OR51B5: variants seen among roughly 807,000 people sequenced by gnomAD.
OR51B5 encodes the protein olfactory receptor 51B5.
For missense variants in OR51B5, 456 were observed against 374.6 expected (o/e 1.22, Z -1.79); for synonymous variants, 186 against 144.8 (o/e 1.28, Z -2.04).
rs185751635 is a variant in OR51B5, at chr11:5,354,405, A to T, written n.85-7495T>A. On this transcript the variant is annotated intron_variant and non_coding_transcript_variant, in intron 1 of 4. Coordinates refer to the OR51B5 transcript ENST00000415970. Reference sequence around the variant, plus strand: ...TGTAAATGGACACATTTGACTGACAACCCTGAGTTTCTCTCCTCCCTTTCT... The same window carrying T: ...TGTAAATGGACACATTTGACTGACATCCCTGAGTTTCTCTCCTCCCTTTCT... 2.0e-5 allele frequency among the ~76,000 whole-genome samples: 3 copies of T among 152,320 alleles called. No individual in the cohort carries two copies. The East Asian group carries it at 5.8e-4, about 29-fold the overall frequency.
chr11:5,444,664 G>T (rs919936865), intron 1 of OR51B5, among the ~76,000 whole-genome samples: 8 of 152,142 alleles, frequency 5.3e-5, no homozygotes, highest in African/African-American at 1.9e-4. Flanking sequence ...GGTACAGCTG[G>T]CAGTGGCATC....
intron 1 of OR51B5, among the ~76,000 whole-genome samples, chr11:5,451,395 G>T (rs1238620039): frequency 6.6e-6 from 1 of 152,150 alleles, no homozygotes; most frequent in African/African-American, 2.4e-5. Flanking sequence ...CTTTCTACAA[G>T]ACTTTATATG....
intron 1 of OR51B5, among the ~76,000 whole-genome samples, chr11:5,435,217 G>A (rs955878536): frequency 2.6e-5 from 4 of 152,170 alleles, no homozygotes; most frequent in Admixed American, 1.3e-4. Context: ...CAGTGATGGG[G>A]AGTTTATCGC....
At chr11:5,483,872 A>G (rs1247513509) in intron 1 of OR51B5, among the ~76,000 whole-genome samples, 1 of 152,148 alleles carries the variant, frequency 6.6e-6, no homozygotes, top group African/African-American at 2.4e-5. Context: ...TTAGCCCAGA[A>G]AACTGAGAAA....
chr11:5,347,985 A>G (rs1209648901), upstream of OR51B5, among the ~76,000 whole-genome samples: 1 of 152,148 alleles, frequency 6.6e-6, no homozygotes, highest in Non-Finnish European at 1.5e-5. Flanking sequence ...AAGGGAACAA[A>G]GTTTCAGGTC....
intron 1 of OR51B5, chr11:5,469,554 A>G (rs1851194184): frequency 7.9e-6 from 1 of 127,188 alleles, no homozygotes; most frequent in African/African-American, 2.7e-5. Flanking sequence ...CCAGTGCCAA[A>G]GATTTGGAAA....
At chr11:5,503,808 C>G (rs1590033897) in intron 1 of OR51B5, among the ~76,000 whole-genome samples, 1 of 152,044 alleles carries the variant, frequency 6.6e-6, no homozygotes, top group Non-Finnish European at 1.5e-5. Flanking sequence ...ACAAATTCTG[C>G]CCTGCTCTAC....
rs577356015 is a variant in OR51B5, at chr11:5,418,445, A to AAAAC, written n.85-71539_85-71536dup. On this transcript the variant is annotated intron_variant and non_coding_transcript_variant, in intron 1 of 4. Coordinates refer to the OR51B5 transcript ENST00000415970. ...AACAAAACAAAACAAAAAGAAAAAC[A>AAAAC]AAACAAACAAACAAAAAAAGCACCG... Among the ~76,000 whole-genome samples, 7 of 152,156 alleles carry AAAAC rather than the reference A, an allele frequency of 4.6e-5. No homozygotes were observed. The South Asian group carries it at 1.2e-3, about 27-fold the overall frequency.
At chr11:5,459,435 T>C (rs1851013579) in intron 1 of OR51B5, among the ~76,000 whole-genome samples, 1 of 152,202 alleles carries the variant, frequency 6.6e-6, no homozygotes, top group Admixed American at 6.5e-5. Context: ...ATATATTGTA[T>C]CTCTGCCAGG....
intron 1 of OR51B5, among the ~76,000 whole-genome samples, chr11:5,414,992 A>G (rs1850216726): frequency 1.3e-5 from 2 of 152,100 alleles, no homozygotes; most frequent in South Asian, 2.1e-4. Context: ...GCACCACACC[A>G]CACCTATTCC....
intron 1 of OR51B5, among the ~76,000 whole-genome samples, chr11:5,394,956 A>G (rs1011864851): frequency 6.6e-6 from 1 of 152,190 alleles, no homozygotes; most frequent in Non-Finnish European, 1.5e-5. Flanking sequence ...TTTGTCTGGG[A>G]AAAGAAAAGA....
At chr11:5,446,807 T>C (rs150615271) in intron 1 of OR51B5, among the ~76,000 whole-genome samples, 39 of 152,260 alleles carry the variant, frequency 2.6e-4, no homozygotes, top group African/African-American at 8.4e-4. Context: ...TATAATAGAG[T>C]GTGATCACTG....
intron 1 of OR51B5, among the ~76,000 whole-genome samples, chr11:5,407,488 G>C (rs892923437): frequency 1.3e-5 from 2 of 152,078 alleles, no homozygotes; most frequent in Admixed American, 6.5e-5. Flanking sequence ...AAAATCAGTT[G>C]TCACACACAT....
chr11:5,380,175 G>T (rs950337543), intron 1 of OR51B5, among the ~76,000 whole-genome samples: 1 of 152,188 alleles, frequency 6.6e-6, no homozygotes, highest in East Asian at 1.9e-4. Flanking sequence ...CTGAAGAGAG[G>T]TAGGATGTTA....
chr11:5,395,350 G>GC (rs1310917437), intron 1 of OR51B5, among the ~76,000 whole-genome samples: 1 of 152,204 alleles, frequency 6.6e-6, no homozygotes, highest in Non-Finnish European at 1.5e-5. Context: ...GTAAGTTGCT[G>GC]AAGGTCCTTT....
intron 1 of OR51B5, among the ~76,000 whole-genome samples, chr11:5,404,344 A>G (rs941289621): frequency 6.6e-6 from 1 of 152,126 alleles, no homozygotes; most frequent in Non-Finnish European, 1.5e-5. Flanking sequence ...AGGGTTGTAA[A>G]TGCACCAATC....
intron 1 of OR51B5, among the ~76,000 whole-genome samples, chr11:5,424,335 G>A (rs1850408096): frequency 6.6e-6 from 1 of 151,806 alleles, no homozygotes; most frequent in African/African-American, 2.4e-5. Context: ...AGAGAAAAGG[G>A]AAAACAAAAC....
rs1850832250 is a variant in OR51B5, at chr11:5,450,729, C to T, written n.84+54840G>A. On this transcript the variant is annotated intron_variant and non_coding_transcript_variant, in intron 1 of 4. Coordinates refer to the OR51B5 transcript ENST00000415970. ...TTCCTCTATTTTCCTTTTAAACTTACTCTCCAATGCCTTAATGATACTTCG... is the reference window on the plus strand; with the variant it reads ...TTCCTCTATTTTCCTTTTAAACTTATTCTCCAATGCCTTAATGATACTTCG... Among the ~76,000 whole-genome samples the T allele has an allele frequency of 2.0e-5, 3 of 152,314 alleles. No homozygotes were observed. The South Asian group carries it at 6.2e-4, about 32-fold the overall frequency.
rs189952529 is a variant in OR51B5 at position 5,359,754 on chromosome 11, C to A, written n.85-12844G>T. Among the ~76,000 whole-genome samples the A allele has an allele frequency of 1.2e-3, 183 of 151,338 alleles. 1 individual carries two copies. Among genetic ancestry groups the A allele is most frequent in the African/African-American group, 4.2e-3 (173 of 41,254 alleles). On this transcript the variant is annotated intron_variant and non_coding_transcript_variant, in intron 1 of 4. Coordinates refer to the OR51B5 transcript ENST00000415970. ...CCTGACTTCAAACTATACTACAAGG[C>A]TACAGTAACCAAAACAGCATGGTAC... is the stretch of plus-strand genomic sequence containing the variant.
Sources: allele counts gnomAD v4.1 joint callset (sites outside exome capture counted in the v4.1 genomes callset), GRCh38; gene constraint gnomAD v4.1.1; transcripts MANE v1.5; gene names NCBI Gene and HGNC (gene_info 2026-07-23, HGNC 2026-07-21).